The following OCRL variants were observed in gnomAD, a reference collection of about 807,000 sequenced individuals.
The protein encoded by OCRL is OCRL inositol polyphosphate-5-phosphatase.
OCRL carries 8 observed loss-of-function variants against 78.9 expected under a neutral mutation model. The observed-to-expected ratio is 0.10, with a 90% confidence interval of 0.06 to 0.18. The LOEUF is 0.18. Ranked by LOEUF, OCRL falls within the 10% of genes least tolerant of loss-of-function variation. The pLI, the probability that OCRL is intolerant of heterozygous loss-of-function variation, is 1.00. For missense variants in OCRL, 454 were observed against 696.7 expected (o/e 0.65, Z 3.92); for synonymous variants, 240 against 235.4 (o/e 1.02, Z -0.18).
chrX:129,576,256 C>A (rs1035392714), intron 17 of OCRL, 61 bp from the exon 18 acceptor site: 31 of 1,051,393 alleles, frequency 2.9e-5, no homozygotes, highest in South Asian at 2.5e-4. Flanking sequence ...GGTTCTTATA[C>A]TCTTTTTTGC....
intron 2 of OCRL, 83 bp from the exon 3 acceptor site, chrX:129,544,874 AT>A (rs1306882523): frequency 1.3e-4 from 77 of 589,145 alleles, no homozygotes; most frequent in Non-Finnish European, 2.1e-4. Flanking sequence ...TACAGACTAG[AT>A]TTGTATAACA....
chrX:129,551,114 C>T (rs1935955060), intron 4 of OCRL, among the ~76,000 whole-genome samples: 1 of 110,798 alleles, frequency 9.0e-6, no homozygotes, highest in Non-Finnish European at 1.9e-5. Flanking sequence ...TTAAACTGTC[C>T]CTTGTTTATC....
chrX:129,576,154 A>T, intron 17 of OCRL, 92 bp downstream of exon 17: 2 of 993,236 alleles, frequency 2.0e-6, no homozygotes, highest in Non-Finnish European at 2.8e-6. Context: ...CATGTCTCTT[A>T]CCTTTACTGT....
chrX:129,574,913 C>T (rs937080835), intron 15 of OCRL, among the ~76,000 whole-genome samples: 6 of 112,063 alleles, frequency 5.4e-5, no homozygotes. Flanking sequence ...GTTAGAGACT[C>T]TTGGAGGTAT....
At chrX:129,561,558 T>C (rs1389716428) in intron 10 of OCRL, among the ~76,000 whole-genome samples, 2 of 112,322 alleles carry the variant, frequency 1.8e-5, no homozygotes, top group African/African-American at 6.5e-5. Context: ...TAGTTTGAAA[T>C]AATTACATAT....
intron 3 of OCRL, 22 bp from the exon 4 acceptor site, chrX:129,548,541 T>C (rs376002503): frequency 1.7e-6 from 2 of 1,182,760 alleles, no homozygotes; most frequent in South Asian, 1.8e-5. Context: ...CTAATCCTAC[T>C]CTCTTTTTTT....
chrX:129,587,880 A>T (rs904094291), intron 20 of OCRL, among the ~76,000 whole-genome samples: 2 of 110,197 alleles, frequency 1.8e-5, no homozygotes, highest in African/African-American at 6.6e-5. Flanking sequence ...ATAAAAAAAA[A>T]TTTTAAAGGA....
At position 129,587,085 on chromosome X, in the gene OCRL, A is replaced by G; in HGVS notation, c.2223A>G (p.Leu741=). The stretch of plus-strand genomic sequence containing the variant: ...AGGTTCCCAAGGAGATCTGGCTTCT[A>G]GTAGATCACCTATTCAAATACGCCT... ...PLQVPKEIWL[L]VDHLFKYACH... The change falls in exon 20 of 24, where the codon CTA becomes CTG. Residue 741 remains leucine, a synonymous_variant. Transcript: ENST00000371113. 8.3e-7 allele frequency: 1 copy of G among 1,199,135 alleles called. No individual in the cohort carries two copies. Among genetic ancestry groups the G allele is most frequent in the Non-Finnish European group, 1.1e-6 (1 of 883,822 alleles).
At chrX:129,565,022 A>G (rs896915716) in intron 12 of OCRL, among the ~76,000 whole-genome samples, 6 of 111,927 alleles carry the variant, frequency 5.4e-5, no homozygotes, top group African/African-American at 1.9e-4. Flanking sequence ...CTTAAAATGT[A>G]TGGTCATGAA....
intron 2 of OCRL, among the ~76,000 whole-genome samples, chrX:129,542,706 C>T (rs2124385847): frequency 9.0e-6 from 1 of 111,371 alleles, no homozygotes; most frequent in South Asian, 3.7e-4. Flanking sequence ...GAGATCTGAT[C>T]CTATGTAACA....
intron 4 of OCRL, among the ~76,000 whole-genome samples, chrX:129,551,938 G>C (rs753256725): frequency 1.8e-5 from 2 of 111,722 alleles, no homozygotes; most frequent in South Asian, 7.5e-4. Flanking sequence ...CTCCAGGCTG[G>C]GAAGTAGCTT....
At position 129,576,559 on chromosome X, in the gene OCRL, A is replaced by C; in HGVS notation, c.2115+7A>C. 8.8e-7 allele frequency: 1 copy of C among 1,132,832 alleles called. No homozygotes were observed. The highest frequency in any genetic ancestry group is 3.0e-5 in the East Asian group (1 of 33,567). The allele number at this position is 1,132,832 out of a possible 1,213,427, so 93.4% of individuals were successfully genotyped here. ...TACCAAACTCATAGACTTGGTAAGA[A>C]CTGTCCCAAGACATAAACCTCTTTT... On this transcript the variant is annotated splice_region_variant and intron_variant, in intron 18 of 23. Coordinates refer to ENST00000371113, the MANE Select transcript of OCRL (RefSeq NM_000276.4).
chrX:129,549,717 C>G (rs967788168), intron 4 of OCRL: 13 of 112,433 alleles, frequency 1.2e-4, no homozygotes, highest in African/African-American at 3.9e-4. Context: ...ACAACTGACA[C>G]TGCTGCTGAA....
chrX:129,558,709 G>T lies in OCRL; in HGVS notation c.516G>T (p.Gly172=), dbSNP rs1244855577. 3.3e-6 allele frequency: 4 copies of T among 1,210,398 alleles called. No homozygotes were observed. The highest frequency in any genetic ancestry group is 3.5e-5 in the South Asian group (2 of 56,897). The part of the protein sequence containing the change: ...KKINSQNQPT[G]IHREPPPPPF... The stretch of plus-strand genomic sequence containing the variant: ...TAAATTCACAAAATCAGCCTACTGG[G>T]ATTCATCGGGAACCCCCACCTCCAC... The change falls in exon 7 of 24, where the codon GGG becomes GGT. Residue 172 remains glycine, a synonymous_variant. Transcript: ENST00000371113.
At position 129,557,429 on chromosome X, in the gene OCRL, C is replaced by G; in HGVS notation, c.343C>G (p.Gln115Glu). The G allele has an allele frequency of 8.3e-7, 1 of 1,198,263 alleles. No homozygotes were observed. Among genetic ancestry groups the G allele is most frequent in the Non-Finnish European group, 1.1e-6 (1 of 883,580 alleles). The change falls in exon 5 of 24, where the codon CAG (glutamine) becomes GAG (glutamate). Residue 115 changes from glutamine to glutamate, a missense_variant. Around this residue, in one of 2 missense-constraint regions of OCRL, gnomAD observed 177 missense variants for 179.6 expected, o/e 0.99. Coordinates refer to ENST00000371113, the MANE Select transcript of OCRL (RefSeq NM_000276.4). ...LKFLSAVLAA[Q>E]KAQSQLLVPE... Reference sequence around the variant, plus strand: ...GTTCCTCTCAGCTGTCCTTGCTGCTCAGAAAGGTAACTAAAGACTCAGCGA... The same window carrying G: ...GTTCCTCTCAGCTGTCCTTGCTGCTGAGAAAGGTAACTAAAGACTCAGCGA...
chrX:129,588,356 T>C, intron 21 of OCRL, 93 bp downstream of exon 21: 2 of 631,174 alleles, frequency 3.2e-6, no homozygotes, highest in Non-Finnish European at 5.2e-6. Flanking sequence ...TCTATATTTA[T>C]TTTCTTTGTA....
At chrX:129,586,688 G>A (rs759203036) in intron 19 of OCRL, 1 of 388,802 alleles carries the variant, frequency 2.6e-6, no homozygotes, top group Admixed American at 2.7e-5. Context: ...CACTGTGACT[G>A]TATCACCGGA....
At chrX:129,555,553 A>G (rs1324441242) in intron 4 of OCRL, among the ~76,000 whole-genome samples, 1 of 112,491 alleles carries the variant, frequency 8.9e-6, no homozygotes, top group Non-Finnish European at 1.9e-5. Context: ...AGAGATGCAG[A>G]GAATATTCAG....
At chrX:129,563,311 T>A (rs775285410) in intron 12 of OCRL, among the ~76,000 whole-genome samples, 5 of 111,920 alleles carry the variant, frequency 4.5e-5, no homozygotes, top group Non-Finnish European at 9.4e-5. Context: ...TTTTAAAGAC[T>A]TAGGAAGAAG....
Sources: gnomAD v4.1 joint callset for allele counts (sites outside exome capture counted in the v4.1 genomes callset) on GRCh38, gnomAD v4.1.1 for gene constraint, gnomAD v4.1.1 regional missense constraint, MANE v1.5 for transcripts, NCBI Gene and HGNC (gene_info 2026-07-23, HGNC 2026-07-21) for gene names.